Variants in RORB observed in about 807,000 individuals in gnomAD.
RORB encodes RAR related orphan receptor B, also known as nuclear receptor ROR-beta.
In RORB, 6 loss-of-function variants were observed where a neutral mutation model predicts 59.1. That is an observed-to-expected ratio of 0.10 (90% CI 0.06 to 0.20). The LOEUF (loss-of-function observed/expected upper bound fraction) is 0.20, where lower values mean the gene tolerates loss of function less well. RORB is among the 10% of genes least tolerant of loss of function. The pLI is 1.00. For missense variants in RORB, 320 were observed against 560.5 expected (o/e 0.57, Z 4.33); for synonymous variants, 215 against 204.5 (o/e 1.05, Z -0.44).
intron 1 of RORB, among the ~76,000 whole-genome samples, chr9:74,575,030 A>G (rs1822611748): frequency 6.6e-6 from 1 of 152,112 alleles, no homozygotes; most frequent in African/African-American, 2.4e-5. Flanking sequence ...GAAGTTACAT[A>G]AAGTGTGTCC....
intron 3 of RORB, among the ~76,000 whole-genome samples, chr9:74,640,389 A>G (rs1163441894): frequency 6.6e-6 from 1 of 151,974 alleles, no homozygotes; most frequent in Non-Finnish European, 1.5e-5. Context: ...GACAAAGCAC[A>G]CACCACCACG....
chr9:74,591,495 T>C (rs2118289361), intron 1 of RORB, among the ~76,000 whole-genome samples: 1 of 152,290 alleles, frequency 6.6e-6, no homozygotes, highest in South Asian at 2.1e-4. Context: ...TTATGGCAAG[T>C]AATCTAAATA....
At chr9:74,681,074 T>C (rs552309442) in intron 9 of RORB, among the ~76,000 whole-genome samples, 1 of 152,310 alleles carries the variant, frequency 6.6e-6, no homozygotes, top group African/African-American at 2.4e-5. Flanking sequence ...AAAATGCCTT[T>C]TGATAGATCC....
intron 6 of RORB, among the ~76,000 whole-genome samples, chr9:74,665,170 A>C (rs1451185072): frequency 6.6e-6 from 1 of 152,200 alleles, no homozygotes; most frequent in Non-Finnish European, 1.5e-5. Context: ...CCTGTAAAAT[A>C]TATTTTCTCC....
chr9:74,608,794 C>G (rs944581154), intron 1 of RORB, among the ~76,000 whole-genome samples: 1 of 152,122 alleles, frequency 6.6e-6, no homozygotes, highest in Admixed American at 6.5e-5. Flanking sequence ...CTACGTTGCA[C>G]AAAAATTAAA....
At position 74,621,682 on chromosome 9, in the gene RORB, T is replaced by C. The variant is rs376071037; in HGVS notation, c.8-8600T>C. ...CTGTCAAACTGCCTTCCAAAGTGGG[T>C]GTACCATTTTGCATTCCTAGCAGCA... On this transcript the variant is annotated intron_variant, in intron 1 of 9. Transcript: ENST00000376896. Among the ~76,000 whole-genome samples the C allele has an allele frequency of 2.6e-5, 4 of 152,318 alleles. No individual in the cohort carries two copies. The East Asian group carries it at 7.7e-4, about 29-fold the overall frequency.
intron 6 of RORB, among the ~76,000 whole-genome samples, chr9:74,662,836 C>A (rs1422856773): frequency 6.6e-6 from 1 of 151,900 alleles, no homozygotes; most frequent in Non-Finnish European, 1.5e-5. Flanking sequence ...CTATTAATTG[C>A]GGAGGTTGAA....
chr9:74,635,956 C>CAAAAAAAAAAAAAAAAA (rs11364568), intron 3 of RORB, among the ~76,000 whole-genome samples: 1 of 131,652 alleles, frequency 7.6e-6, no homozygotes, highest in Non-Finnish European at 1.6e-5. Flanking sequence ...CAAATTTGAC[C>CAAAAAAAAAAAAAAAAA]AAAAAAAAAA....
At chr9:74,588,433 G>A (rs575083298) in intron 1 of RORB, among the ~76,000 whole-genome samples, 13 of 152,166 alleles carry the variant, frequency 8.5e-5, no homozygotes, top group Admixed American at 5.2e-4. Context: ...TTTGATGTTC[G>A]CCTTAAAAGA....
rs1824643395 is a variant in RORB, at chr9:74,686,340, T to C, written c.*722T>C. ...TAAGTCTACAAAGGAATAAACATAATGTGTGGCCTCTATATACAAACTCTA... is the reference window on the plus strand; with the variant it reads ...TAAGTCTACAAAGGAATAAACATAACGTGTGGCCTCTATATACAAACTCTA... On this transcript the variant is annotated 3_prime_UTR_variant, in exon 10 of 10. Coordinates refer to ENST00000376896, the MANE Select transcript of RORB (RefSeq NM_006914.4). The C allele has an allele frequency of 6.6e-6, 1 of 152,628 alleles. No individual in the cohort carries two copies. Among genetic ancestry groups the C allele is most frequent in the Non-Finnish European group, 1.5e-5 (1 of 68,032 alleles). 9.5% of individuals were successfully genotyped at this position (152,628 alleles called of 1,614,324 possible). A position where few individuals can be genotyped will look rare whatever the true frequency, so the allele number is the denominator to read the frequency against.
At chr9:74,543,159 A>G (rs950030842) in intron 1 of RORB, among the ~76,000 whole-genome samples, 8 of 152,136 alleles carry the variant, frequency 5.3e-5, no homozygotes, top group African/African-American at 1.9e-4. Context: ...ACACCACTCA[A>G]TCATTCACTG....
chr9:74,566,920 A>G (rs955581662), intron 1 of RORB, among the ~76,000 whole-genome samples: 1 of 152,130 alleles, frequency 6.6e-6, no homozygotes, highest in Non-Finnish European at 1.5e-5. Flanking sequence ...TGTTTATGTG[A>G]CTTTTCTTTC....
intron 3 of RORB, among the ~76,000 whole-genome samples, chr9:74,640,279 C>T (rs1372742213): frequency 2.0e-5 from 3 of 152,128 alleles, no homozygotes; most frequent in African/African-American, 7.2e-5. Context: ...CTCCCTCTGT[C>T]ACCCAGGCTG....
chr9:74,666,656 T>C (rs1459773712), intron 7 of RORB, among the ~76,000 whole-genome samples: 2 of 152,026 alleles, frequency 1.3e-5, no homozygotes, highest in East Asian at 1.9e-4. Flanking sequence ...TGAGTTAAGA[T>C]ACTTAATTAA....
chr9:74,579,659 C>G (rs1822691232), intron 1 of RORB, among the ~76,000 whole-genome samples: 2 of 152,084 alleles, frequency 1.3e-5, no homozygotes, highest in African/African-American at 2.4e-5. Flanking sequence ...ATTGACTTTT[C>G]CTATCATATC....
At chr9:74,684,116 T>C (rs1824595092) in intron 9 of RORB, among the ~76,000 whole-genome samples, 1 of 152,236 alleles carries the variant, frequency 6.6e-6, no homozygotes, top group African/African-American at 2.4e-5. Context: ...CTAGATCCCT[T>C]TACTGAATAT....
chr9:74,497,648 A>T lies in RORB; in HGVS notation c.-329A>T, dbSNP rs1825731064. ...GTGGCATTTTTTAAAAAGCAAGCAC[A>T]TTGGAGAGAAAGAAAAAGAAAAACA... On this transcript the variant is annotated 5_prime_UTR_variant, in exon 1 of 10. Transcript: ENST00000376896. 4.6e-6 allele frequency: 2 copies of T among 434,694 alleles called. No homozygotes were observed. The highest frequency in any genetic ancestry group is 3.9e-5 in the African/African-American group (2 of 51,070). 26.9% of individuals were successfully genotyped at this position (434,694 alleles called of 1,614,324 possible).
rs374556016 is a variant in RORB at position 74,541,279 on chromosome 9, C to CAAAAAAAAAA, written c.7+43314_7+43323dup. 4.4e-3 allele frequency among the ~76,000 whole-genome samples: 191 copies of CAAAAAAAAAA among 43,562 alleles called. 5 individuals are homozygous for CAAAAAAAAAA. Among genetic ancestry groups the CAAAAAAAAAA allele is most frequent in the Non-Finnish European group, 5.1e-3 (148 of 28,826 alleles). 28.6% of individuals were successfully genotyped at this position (43,562 alleles called of 152,430 possible). A position where few individuals can be genotyped will look rare whatever the true frequency, so the allele number is the denominator to read the frequency against. On this transcript the variant is annotated intron_variant, in intron 1 of 9. Coordinates refer to ENST00000376896, the MANE Select transcript of RORB (RefSeq NM_006914.4). ...TGGGCAACAGAAAGAGACTCCATCT[C>CAAAAAAAAAA]AAAAAAAAAAAAAAAAAAAAAAAAA...
chr9:74,594,488 A>G lies in RORB; in HGVS notation c.8-35794A>G, dbSNP rs567050590. ...ACAAAATATCATGAAAATCATATAT[A>G]AAATCTATATGTAGTATATATGTTG... On this transcript the variant is annotated intron_variant, in intron 1 of 9. Transcript: ENST00000376896. Among the ~76,000 whole-genome samples the G allele has an allele frequency of 2.0e-5, 3 of 152,354 alleles. No homozygotes were observed. The South Asian group carries it at 6.2e-4, about 32-fold the overall frequency.
Sources: allele counts gnomAD v4.1 joint callset (sites outside exome capture counted in the v4.1 genomes callset), GRCh38; gene constraint gnomAD v4.1.1; transcripts MANE v1.5; gene names NCBI Gene and HGNC (gene_info 2026-07-23, HGNC 2026-07-21).